The following ESRRG variants were observed in gnomAD, a reference collection of about 807,000 sequenced individuals.
ESRRG encodes the protein estrogen related receptor gamma.
ESRRG carries 13 observed loss-of-function variants against 44.0 expected under a neutral mutation model. The ratio of observed to expected loss-of-function variants is 0.30; its 90% confidence interval spans 0.19 to 0.47. The LOEUF (loss-of-function observed/expected upper bound fraction) is 0.47, where lower values mean the gene tolerates loss of function less well. Ranked by LOEUF, ESRRG falls within the 20% of genes least tolerant of loss-of-function variation. ESRRG has a pLI of 1.00. For missense variants in ESRRG, 395 were observed against 580.6 expected, an observed-to-expected ratio of 0.68 and a Z score of 3.29; for synonymous variants, 215 against 214.6, an observed-to-expected ratio of 1.00 and a Z score of -0.02.
Position 216,519,135 on chromosome 1 carries a change from T to C in ESRRG, c.1132+17A>G, listed in dbSNP as rs11572818. On this transcript the variant is annotated intron_variant, in intron 6 of 6. Coordinates refer to ENST00000408911, the MANE Select transcript of ESRRG (RefSeq NM_001438.4). ...ATATTAAAAAAAATGTAACAATGAC[T>C]ATGTCAGTATGCCAACCTGAATTAG... 0.052 allele frequency: 83,651 copies of C among 1,608,412 alleles called. 2,523 individuals carry two copies. The highest frequency in any genetic ancestry group is 0.061 in the Non-Finnish European group (71,231 of 1,176,404).
chr1:216,546,157 C>T (rs72735186), intron 5 of ESRRG, among the ~76,000 whole-genome samples: 11,025 of 152,024 alleles, frequency 0.073, 583 homozygotes, highest in East Asian at 0.2. Flanking sequence ...GCAGCTCTGG[C>T]CTCTACCCAC....
intron 5 of ESRRG, among the ~76,000 whole-genome samples, chr1:216,526,508 G>A (rs1386066853): frequency 1.3e-5 from 2 of 152,142 alleles, no homozygotes; most frequent in Non-Finnish European, 2.9e-5. Flanking sequence ...CTAGCCTGCA[G>A]AGCCCGCAGA....
At chr1:216,997,873 C>T (rs2076561661) in intron 1 of ESRRG, among the ~76,000 whole-genome samples, 1 of 152,210 alleles carries the variant, frequency 6.6e-6, no homozygotes, top group African/African-American at 2.4e-5. Context: ...CCCCATTAAC[C>T]TTGAGAGAAC....
At chr1:216,947,070 T>C (rs376682998) in intron 1 of ESRRG, among the ~76,000 whole-genome samples, 12 of 152,172 alleles carry the variant, frequency 7.9e-5, no homozygotes, top group Admixed American at 7.2e-4. Flanking sequence ...AGAGAAATTA[T>C]CCTTAGCATC....
At chr1:216,994,435 C>A (rs1351806537) in intron 1 of ESRRG, among the ~76,000 whole-genome samples, 1 of 151,376 alleles carries the variant, frequency 6.6e-6, no homozygotes, top group African/African-American at 2.4e-5. Context: ...ATACATGTGA[C>A]TGCACACACA....
At chr1:217,108,412 C>G (rs1463136776) in intron 1 of ESRRG, among the ~76,000 whole-genome samples, 1 of 152,196 alleles carries the variant, frequency 6.6e-6, no homozygotes, top group East Asian at 1.9e-4. Flanking sequence ...TCTTCCCTTG[C>G]CCCCATTAGT....
Position 216,677,369 on chromosome 1 carries a change from C to T in ESRRG, c.179G>A (p.Gly60Asp), listed in dbSNP as rs1451183108. ...GTAGCTCCCACTGGCGTCTGAAGAG[C>T]CACCAGGGCTGTGGTGGTTGACGCT... is the stretch of plus-strand genomic sequence containing the variant. ...TDSVNHHSPG[G>D]SSDASGSYSS... Residue 60 changes from glycine (G) to aspartate (D), a missense_variant, in exon 2 of 7, where the codon GGC (glycine) becomes GAC (aspartate). Physicochemically the swap from Gly to Asp is moderately conservative, Grantham distance 94 (BLOSUM62 -1). Coordinates refer to ENST00000408911, the MANE Select transcript of ESRRG (RefSeq NM_001438.4). The T allele has an allele frequency of 1.9e-6, 3 of 1,614,012 alleles. No individual in the cohort carries two copies. The Admixed American group carries it at 5.0e-5, about 27-fold the overall frequency.
At chr1:216,882,636 A>G (rs2096463133) in intron 2 of ESRRG, among the ~76,000 whole-genome samples, 1 of 152,216 alleles carries the variant, frequency 6.6e-6, no homozygotes, top group African/African-American at 2.4e-5. Flanking sequence ...CAGAGAAGTT[A>G]GGATTTCAAC....
At chr1:216,968,306 A>G (rs1003486445) in intron 1 of ESRRG, among the ~76,000 whole-genome samples, 2 of 152,104 alleles carry the variant, frequency 1.3e-5, no homozygotes, top group Non-Finnish European at 2.9e-5. Context: ...TCATTGGCAT[A>G]CCCAAAGTCA....
Position 216,732,804 on chromosome 1 carries a change from G to A in ESRRG, c.-13-55313C>T, listed in dbSNP as rs149343998. Among the ~76,000 whole-genome samples, 569 of 131,474 alleles carry A rather than the reference G, an allele frequency of 4.3e-3. 4 individuals are homozygous for A. Among genetic ancestry groups the A allele is most frequent in the African/African-American group, 0.014 (510 of 35,956 alleles). The allele number at this position is 131,474 out of a possible 152,430, so 86.3% of individuals were successfully genotyped here. A position where few individuals can be genotyped will look rare whatever the true frequency, so the allele number is the denominator to read the frequency against. On this transcript the variant is annotated intron_variant, in intron 2 of 7. Coordinates refer to the ESRRG transcript ENST00000359162. ...GTCTATGAATAGCCACTGAACTCCA[G>A]CCTGCAAACATAGTGGAACTCCATC... is the stretch of plus-strand genomic sequence containing the variant.
intron 2 of ESRRG, among the ~76,000 whole-genome samples, chr1:216,773,586 CT>C (rs948434546): frequency 5.3e-5 from 8 of 152,058 alleles, no homozygotes; most frequent in African/African-American, 1.9e-4. Context: ...GGTCTCAGGG[CT>C]TCAATAAATA....
At chr1:216,949,416 G>A (rs1337540453) in intron 1 of ESRRG, among the ~76,000 whole-genome samples, 1 of 152,152 alleles carries the variant, frequency 6.6e-6, no homozygotes, top group African/African-American at 2.4e-5. Context: ...TTTTCTGGAT[G>A]AGATCATTAC....
intron 5 of ESRRG, among the ~76,000 whole-genome samples, chr1:216,540,146 C>A (rs1305785505): frequency 6.6e-6 from 1 of 151,818 alleles, no homozygotes; most frequent in African/African-American, 2.4e-5. Context: ...GCCTTGTGAG[C>A]CTTCTCTCTT....
intron 1 of ESRRG, chr1:216,715,159 A>T (rs1470971089): frequency 1.0e-5 from 10 of 985,208 alleles, no homozygotes; most frequent in Non-Finnish European, 1.2e-5. Flanking sequence ...TGAATTAGCC[A>T]AGTGTGTAGT....
chr1:217,034,194 AAAT>A (rs2151053661), intron 1 of ESRRG, among the ~76,000 whole-genome samples: 1 of 152,308 alleles, frequency 6.6e-6, no homozygotes, highest in Non-Finnish European at 1.5e-5. Flanking sequence ...CATTTACTGA[AAAT>A]AATAATGTCT....
chr1:216,968,788 T>C (rs886373796), intron 1 of ESRRG, among the ~76,000 whole-genome samples: 1 of 151,940 alleles, frequency 6.6e-6, no homozygotes, highest in Admixed American at 6.6e-5. Flanking sequence ...GGAATTGCAT[T>C]GAATCTATAG....
intron 1 of ESRRG, among the ~76,000 whole-genome samples, chr1:216,972,407 C>T (rs1482427904): frequency 5.9e-5 from 9 of 152,138 alleles, no homozygotes; most frequent in Non-Finnish European, 7.4e-5. Context: ...AAACTGAGTA[C>T]ATTAATTGCT....
intron 3 of ESRRG, among the ~76,000 whole-genome samples, chr1:216,590,169 T>C (rs1416468413): frequency 6.6e-6 from 1 of 151,970 alleles, no homozygotes. Flanking sequence ...ACAGTAATGG[T>C]TGTTGATTAT....
chr1:216,902,807 T>C (rs1273296701), intron 2 of ESRRG, among the ~76,000 whole-genome samples: 1 of 152,210 alleles, frequency 6.6e-6, no homozygotes, highest in Non-Finnish European at 1.5e-5. Flanking sequence ...GCTGATCTAC[T>C]ACATGACCAC....
Sources: allele counts gnomAD v4.1 joint callset (sites outside exome capture counted in the v4.1 genomes callset), GRCh38; gene constraint gnomAD v4.1.1; transcripts MANE v1.5; gene names NCBI Gene and HGNC (gene_info 2026-07-23, HGNC 2026-07-21).